SNTG2: variants seen among roughly 807,000 people sequenced by gnomAD.
The protein encoded by SNTG2 is syntrophin gamma 2.
A neutral mutation model predicts 70.9 loss-of-function variants in SNTG2; 74 were observed. The ratio of observed to expected loss-of-function variants is 1.04; its 90% CI spans 0.86 to 1.27. The LOEUF (loss-of-function observed/expected upper bound fraction) is 1.27, where lower values mean the gene tolerates loss of function less well. SNTG2 is among the 50% of genes most tolerant of loss of function. SNTG2 has a pLI of 0.00. For missense variants in SNTG2, 717 were observed against 690.7 expected (o/e 1.04, Z -0.43); for synonymous variants, 278 against 273.8 (o/e 1.02, Z -0.15).
chr2:1,347,615 G>A (rs11676716), intron 16 of SNTG2, among the ~76,000 whole-genome samples: 40,955 of 152,158 alleles, frequency 0.27, 5,884 homozygotes, highest in East Asian at 0.55. Flanking sequence ...GTGTGAACCC[G>A]TATTTCACTC....
chr2:1,097,372 C>T lies in SNTG2; in HGVS notation c.211-824C>T, dbSNP rs1572421273. Among the ~76,000 whole-genome samples the T allele has an allele frequency of 6.6e-6, 1 of 152,322 alleles. No individual in the cohort carries two copies. Among genetic ancestry groups the T allele is most frequent in the South Asian group, 2.1e-4 (1 of 4,832 alleles). On this transcript the variant is annotated intron_variant, in intron 2 of 16. Transcript: ENST00000308624. This position sits in a 1 kb window ranked among gnomAD's most constrained non-coding sequence, Gnocchi z 4.1. ...CAGAGCCATTCAGCCTGAACATGCT[C>T]ATGTTTCCTCTTAGAACTCAAAGAA...
rs367999966 is a variant in SNTG2, at chr2:1,137,801, G to A, written c.403G>A (p.Glu135Lys). The change falls in exon 6 of 17, where the codon GAA (glutamate) becomes AAA (lysine). Residue 135 changes from glutamate (E) to lysine (K), a missense_variant. Glu to Lys is a moderately conservative substitution (Grantham distance 56). Coordinates refer to ENST00000308624, the MANE Select transcript of SNTG2 (RefSeq NM_018968.4). ...NGIHVENATH[E>K]EVVHLLRNAG... Reference sequence around the variant, plus strand: ...CATACATGTAGAAAATGCAACTCATGAAGAAGTGGTAAGTGAATTACATTT... The same window carrying A: ...CATACATGTAGAAAATGCAACTCATAAAGAAGTGGTAAGTGAATTACATTT... 152 of 1,612,076 alleles carry A rather than the reference G, an allele frequency of 9.4e-5. No individual in the cohort carries two copies. The highest frequency in any genetic ancestry group is 1.2e-4 in the Non-Finnish European group (141 of 1,178,802).
At chr2:1,238,110 C>T (rs1558580523) in intron 10 of SNTG2, 93 bp downstream of exon 10, 6 of 1,436,524 alleles carry the variant, frequency 4.2e-6, no homozygotes, top group Non-Finnish European at 5.6e-6. Flanking sequence ...ATGATTAACC[C>T]GAAACAGAAA....
At chr2:1,224,922 G>C (rs1675668876) in intron 9 of SNTG2, among the ~76,000 whole-genome samples, 1 of 152,236 alleles carries the variant, frequency 6.6e-6, no homozygotes, top group African/African-American at 2.4e-5. Context: ...GTGCAGTTGT[G>C]TTTAACACCT....
intron 6 of SNTG2, among the ~76,000 whole-genome samples, chr2:1,151,890 C>G (rs1252630841): frequency 1.3e-5 from 2 of 152,166 alleles, no homozygotes; most frequent in African/African-American, 4.8e-5. Context: ...TTCAAGAGCA[C>G]TAAGCATCAG....
chr2:1,263,697 G>A (rs144631578), intron 13 of SNTG2, among the ~76,000 whole-genome samples: 374 of 152,170 alleles, frequency 2.5e-3, no homozygotes, highest in Non-Finnish European at 4.7e-3. Flanking sequence ...GCCTTAGGAC[G>A]TGTGTCTTTA....
intron 13 of SNTG2, among the ~76,000 whole-genome samples, chr2:1,263,603 G>A (rs1678564971): frequency 6.6e-6 from 1 of 152,094 alleles, no homozygotes. Flanking sequence ...TGCTGTTCTG[G>A]ATATTGCCAG....
intron 16 of SNTG2, among the ~76,000 whole-genome samples, chr2:1,320,097 A>C (rs1291695194): frequency 3.3e-5 from 5 of 152,170 alleles, no homozygotes; most frequent in Non-Finnish European, 5.9e-5. Flanking sequence ...AGTTGTTGAA[A>C]ATATTTCTGG....
intron 16 of SNTG2, among the ~76,000 whole-genome samples, chr2:1,363,171 C>A (rs1661295229): frequency 7.0e-6 from 1 of 142,460 alleles, no homozygotes; most frequent in Non-Finnish European, 1.5e-5. Context: ...TACCTGATAA[C>A]AAGAAGTACC....
At chr2:1,005,876 A>G (rs1319064940) in intron 1 of SNTG2, among the ~76,000 whole-genome samples, 19 of 110,204 alleles carry the variant, frequency 1.7e-4, no homozygotes, top group East Asian at 4.2e-4. Context: ...TATATATATA[A>G]ACGTTGACAT....
intron 14 of SNTG2, among the ~76,000 whole-genome samples, chr2:1,303,913 G>A (rs1216390084): frequency 6.6e-6 from 1 of 152,184 alleles, no homozygotes; most frequent in Non-Finnish European, 1.5e-5. Flanking sequence ...CTCCATCACT[G>A]TAGAGTCTTT....
intron 6 of SNTG2, among the ~76,000 whole-genome samples, chr2:1,159,792 G>A (rs1193596180): frequency 3.9e-5 from 6 of 152,098 alleles, no homozygotes; most frequent in South Asian, 2.1e-4. Flanking sequence ...CTAAAACTCC[G>A]TCTCCCAAGG....
chr2:1,114,510 C>T (rs915865904), intron 4 of SNTG2, among the ~76,000 whole-genome samples: 8 of 151,880 alleles, frequency 5.3e-5, no homozygotes, highest in South Asian at 2.1e-4. Flanking sequence ...ATCATGTGTA[C>T]TAAGTGAGGT....
chr2:1,139,658 C>T (rs1558446431), intron 6 of SNTG2, among the ~76,000 whole-genome samples: 1 of 149,592 alleles, frequency 6.7e-6, no homozygotes, highest in East Asian at 2.0e-4. Context: ...GGACCTGTCT[C>T]TACAAAAAAT....
intron 16 of SNTG2, chr2:1,341,279 C>G (rs1360695755): frequency 6.6e-6 from 1 of 152,236 alleles, no homozygotes; most frequent in Non-Finnish European, 1.5e-5. Flanking sequence ...AGGGCCACAG[C>G]TGACACCCCT....
At chr2:1,329,542 C>G (rs544989307) in intron 16 of SNTG2, among the ~76,000 whole-genome samples, 1 of 152,318 alleles carries the variant, frequency 6.6e-6, no homozygotes, top group South Asian at 2.1e-4. Context: ...CAGGGTCTCA[C>G]TTCTCAGCTG....
intron 1 of SNTG2, among the ~76,000 whole-genome samples, chr2:1,071,431 C>T (rs1369481289): frequency 3.5e-4 from 50 of 144,486 alleles, no homozygotes; most frequent in Admixed American, 2.9e-3. Flanking sequence ...TATTCTCGCT[C>T]ATAGGTGGGA....
chr2:1,311,456 C>T (rs1242825174), intron 15 of SNTG2, among the ~76,000 whole-genome samples: 1 of 152,180 alleles, frequency 6.6e-6, no homozygotes, highest in African/African-American at 2.4e-5. Flanking sequence ...TGAAGAAAAG[C>T]TTTCCCACCT....
intron 1 of SNTG2, among the ~76,000 whole-genome samples, chr2:1,007,058 A>AATAAATAAATAAATGT (rs1553307635): frequency 3.4e-4 from 24 of 70,322 alleles, no homozygotes; most frequent in African/African-American, 1.1e-3. Flanking sequence ...TAAATAAATA[A>AATAAATAAATAAATGT]ATGTGTATAT....
Sources: gnomAD v4.1 joint callset for allele counts (sites outside exome capture counted in the v4.1 genomes callset) on GRCh38, gnomAD v4.1.1 for gene constraint, Gnocchi (gnomAD v3.1) non-coding constraint, MANE v1.5 for transcripts, NCBI Gene and HGNC (gene_info 2026-07-23, HGNC 2026-07-21) for gene names.